The following PSMG1 variants were observed in gnomAD, a reference collection of about 807,000 sequenced individuals.
PSMG1 encodes the protein Down syndrome critical region gene 2.
A neutral mutation model predicts 37.2 loss-of-function variants in PSMG1; 23 were observed. The ratio of observed to expected loss-of-function variants is 0.62; its 90% CI spans 0.44 to 0.88. The LOEUF (loss-of-function observed/expected upper bound fraction) is 0.88. Ranked by LOEUF, PSMG1 falls within the 40% of genes least tolerant of loss-of-function variation. The pLI, the probability that PSMG1 is intolerant of heterozygous loss-of-function variation, is 0.00. For missense variants in PSMG1, 340 were observed against 344.2 expected (o/e 0.99, Z 0.10); for synonymous variants, 127 against 128.0 (o/e 0.99, Z 0.05).
intron 6 of PSMG1, among the ~76,000 whole-genome samples, chr21:39,176,834 T>C (rs115130200): frequency 0.015 from 2,312 of 152,350 alleles, 55 homozygotes; most frequent in African/African-American, 0.053. Flanking sequence ...ACCTCTTTCC[T>C]TTAAAGAAAC....
chr21:39,183,412 A>T lies in PSMG1; in HGVS notation c.-27T>A. 1 of 1,563,926 alleles carries T rather than the reference A, an allele frequency of 6.4e-7. No individual in the cohort carries two copies. Among genetic ancestry groups the T allele is most frequent in the Non-Finnish European group, 8.6e-7 (1 of 1,160,482 alleles). On this transcript the variant is annotated 5_prime_UTR_variant, in exon 1 of 7. It adds an upstream start codon to the 5' untranslated region. Coordinates refer to ENST00000331573, the MANE Select transcript of PSMG1 (RefSeq NM_003720.4). ...GCCGCCCCGTGACCGGCTGGACACA[A>T]CTGCAGCGCCGCGGGACCGCACGCC...
At chr21:39,181,712 GA>G in intron 2 of PSMG1, 59 bp downstream of exon 2, 1 of 1,158,134 alleles carries the variant, frequency 8.6e-7, no homozygotes, top group South Asian at 1.7e-5. Context: ...TATGATGGAA[GA>G]AAATAAGTAT....
chr21:39,178,494 G>C lies in PSMG1; in HGVS notation c.610C>G (p.Pro204Ala). The C allele has an allele frequency of 6.2e-7, 1 of 1,614,088 alleles. No individual in the cohort carries two copies. Among genetic ancestry groups the C allele is most frequent in the South Asian group, 1.1e-5 (1 of 91,082 alleles). The change falls in exon 5 of 7, where the codon CCA becomes GCA. Residue 204 changes from proline (P) to alanine (A), a missense_variant. Pro to Ala is a conservative substitution (Grantham distance 27). Transcript: ENST00000331573. The part of the protein sequence containing the change: ...TQNFKDSACC[P>A]LLEQPNIVHD... ...ACTATATTCGGTTGTTCTAGCAATGGACAACACGCCGAGTCTTTGAAATTC... is the reference window on the plus strand; with the variant it reads ...ACTATATTCGGTTGTTCTAGCAATGCACAACACGCCGAGTCTTTGAAATTC...
rs189472962 is a variant in PSMG1 at position 39,181,883 on chromosome 21, C to A, written c.135-5G>T. On this transcript the variant is annotated splice_polypyrimidine_tract_variant and splice_region_variant and intron_variant, in intron 1 of 6. Transcript: ENST00000331573. ...CTTCGAAGGAGCCGCACTTCCCTAA[C>A]ACAAGAAACAAGATGAAACTAAAGC... The A allele has an allele frequency of 8.8e-5, 138 of 1,563,036 alleles. 2 individuals are homozygous for A. The African/African-American group carries it at 1.8e-3, about 20-fold the overall frequency.
chr21:39,180,262 T>C (rs1465272116), intron 3 of PSMG1, 23 bp downstream of exon 3: 5 of 1,568,184 alleles, frequency 3.2e-6, no homozygotes, highest in South Asian at 1.2e-5. Flanking sequence ...TAACTGCTTT[T>C]CAAACATACA....
intron 6 of PSMG1, among the ~76,000 whole-genome samples, chr21:39,177,104 G>A (rs969796053): frequency 5.9e-5 from 9 of 152,016 alleles, no homozygotes; most frequent in African/African-American, 1.2e-4. Context: ...AAAAATAACC[G>A]TCTCAAAAAT....
chr21:39,179,734 T>C (rs2030755938), intron 4 of PSMG1, among the ~76,000 whole-genome samples, 190 bp downstream of exon 4: 1 of 150,384 alleles, frequency 6.6e-6, no homozygotes, highest in Non-Finnish European at 1.5e-5. Flanking sequence ...GACACAGAAG[T>C]ATAAAACACA....
Position 39,183,263 on chromosome 21 carries a change from C to G in PSMG1, c.123G>C (p.Leu41=). The G allele has an allele frequency of 6.3e-7, 1 of 1,584,682 alleles. No individual in the cohort carries two copies. Among genetic ancestry groups the G allele is most frequent in the Non-Finnish European group, 8.6e-7 (1 of 1,169,308 alleles). The part of the protein sequence containing the change: ...TPEDREVRLQ[L]ARKREVRLLR... ...TCCCGGTGCCTCACCTCTTCCGCGC[C>G]AGCTGCAGACGCACCTCCCTGTCCT... is the stretch of plus-strand genomic sequence containing the variant. Residue 41 remains leucine (L), a synonymous_variant, in exon 1 of 7, where the codon CTG becomes CTC. Coordinates refer to ENST00000331573, the MANE Select transcript of PSMG1 (RefSeq NM_003720.4).
intron 4 of PSMG1, 33 bp from the exon 5 acceptor site, chr21:39,178,680 C>G: frequency 6.4e-7 from 1 of 1,561,500 alleles, no homozygotes; most frequent in Non-Finnish European, 8.7e-7. Flanking sequence ...TTAAAAAAAA[C>G]ATATAATTTT....
In PSMG1 at chr21:39,179,797, G is replaced by C. The variant is rs1020723170; in HGVS notation, c.456+127C>G. ...TTCTTTTATTCTTTATATTCCAAAA[G>C]AAATTCCCACAATATTTTAAAGAAA... On this transcript the variant is annotated intron_variant, in intron 4 of 6. Coordinates refer to ENST00000331573, the MANE Select transcript of PSMG1 (RefSeq NM_003720.4). The C allele has an allele frequency of 7.0e-6, 6 of 852,912 alleles. No individual in the cohort carries two copies. In the African/African-American group the frequency reaches 1.0e-4, roughly 15 times the overall value. 52.8% of individuals were successfully genotyped at this position (852,912 alleles called of 1,614,324 possible). A position where few individuals can be genotyped will look rare whatever the true frequency, so the allele number is the denominator to read the frequency against.
Position 39,178,882 on chromosome 21 carries a change from T to C in PSMG1, c.457-235A>G, listed in dbSNP as rs544359315. On this transcript the variant is annotated intron_variant, in intron 4 of 6. Coordinates refer to ENST00000331573, the MANE Select transcript of PSMG1 (RefSeq NM_003720.4). ...TCTCCTCATTAGTGAACTAAGGTGA[T>C]ATAGTTTAGATGCCTGTCCCCTCCA... The C allele has an allele frequency of 3.5e-5, 18 of 513,904 alleles. 2 individuals carry two copies. The South Asian group carries it at 3.8e-4, about 11-fold the overall frequency. The allele number at this position is 513,904 out of a possible 1,614,324, so 31.8% of individuals were successfully genotyped here.
At chr21:39,180,063 T>G (rs1490056367) in intron 3 of PSMG1, 77 bp from the exon 4 acceptor site, 1 of 1,442,282 alleles carries the variant, frequency 6.9e-7, no homozygotes, top group African/African-American at 1.4e-5. Context: ...ATGTAACATG[T>G]GAATGACAAC....
At chr21:39,177,030 C>T (rs1478371597) in intron 6 of PSMG1, among the ~76,000 whole-genome samples, 1 of 152,190 alleles carries the variant, frequency 6.6e-6, no homozygotes, top group Non-Finnish European at 1.5e-5. Context: ...CTCATCTTCA[C>T]ATATACAGTT....
rs2030708184 is a variant in PSMG1, at chr21:39,178,556, C to T, written c.548G>A (p.Ser183Asn). Residue 183 changes from serine (S) to asparagine (N), a missense_variant, in exon 5 of 7, where the codon AGC becomes AAC. Physicochemically the swap from Ser to Asn is conservative, Grantham distance 46 (BLOSUM62 1). Transcript: ENST00000331573. ...GGCTCTCAGGAAAGGAGAAGGAAGG[C>T]TGCCGGTGGATTCTGAGGTTTTATA... ...TDYKTSESTGSLPSPFLRALK... is the reference protein window; with the variant it reads ...TDYKTSESTGNLPSPFLRALK... The T allele has an allele frequency of 6.2e-7, 1 of 1,614,084 alleles. No individual in the cohort carries two copies. Among genetic ancestry groups the T allele is most frequent in the South Asian group, 1.1e-5 (1 of 91,086 alleles).
At chr21:39,183,468 G>A (rs2030958039), upstream of PSMG1, 2 of 1,457,944 alleles carry the variant, frequency 1.4e-6, no homozygotes, top group African/African-American at 1.5e-5. Flanking sequence ...CCCTCACCGC[G>A]CGGGCAATAA....
At position 39,175,448 on chromosome 21, in the gene PSMG1, A is replaced by C. The variant is rs1454280941; in HGVS notation, c.*142T>G. ...ATAATACCACCATAAATAAGGAATTAAAACTACAATTAATTTTTTACAATT... is the reference window on the plus strand; with the variant it reads ...ATAATACCACCATAAATAAGGAATTCAAACTACAATTAATTTTTTACAATT... On this transcript the variant is annotated 3_prime_UTR_variant, in exon 7 of 7. Transcript: ENST00000331573. 8.7e-6 allele frequency: 11 copies of C among 1,257,948 alleles called. No homozygotes were observed. In the East Asian group the frequency reaches 3.3e-4, roughly 38 times the overall value. 77.9% of individuals were successfully genotyped at this position (1,257,948 alleles called of 1,614,324 possible).
chr21:39,182,206 A>G (rs2030856780), intron 1 of PSMG1, among the ~76,000 whole-genome samples: 1 of 152,238 alleles, frequency 6.6e-6, no homozygotes, highest in South Asian at 2.1e-4. Context: ...CTTGCCGACA[A>G]AACTTTGAAT....
chr21:39,179,501 T>G (rs2030744946), intron 4 of PSMG1, among the ~76,000 whole-genome samples: 1 of 152,206 alleles, frequency 6.6e-6, no homozygotes, highest in East Asian at 1.9e-4. Flanking sequence ...TAGGTAAGCT[T>G]CAATCACTGT....
At chr21:39,179,326 C>T (rs1283853754) in intron 4 of PSMG1, among the ~76,000 whole-genome samples, 3 of 152,082 alleles carry the variant, frequency 2.0e-5, no homozygotes, top group Non-Finnish European at 2.9e-5. Context: ...AAGGGGCCTG[C>T]GATGTGGAGT....
Sources: gnomAD v4.1 joint callset for allele counts (sites outside exome capture counted in the v4.1 genomes callset) on GRCh38, gnomAD v4.1.1 for gene constraint, MANE v1.5 for transcripts, NCBI Gene and HGNC (gene_info 2026-07-23, HGNC 2026-07-21) for gene names.